The following BMPER variants were observed in gnomAD, a reference collection of about 807,000 sequenced individuals.
BMPER encodes BMP binding endothelial regulator, also known as BMP-binding endothelial regulator protein.
Under a neutral mutation model 87.3 loss-of-function variants are expected in BMPER, and 45 were observed. The ratio of observed to expected loss-of-function variants is 0.52; its 90% confidence interval spans 0.41 to 0.66. BMPER has a LOEUF of 0.66. Ranked by LOEUF, BMPER falls within the 30% of genes least tolerant of loss-of-function variation. The pLI is 0.00. For missense variants in BMPER, 784 were observed against 867.5 expected (o/e 0.90, Z 1.21); for synonymous variants, 326 against 316.2 (o/e 1.03, Z -0.33).
At chr7:34,116,616 ATCT>A (rs1270981737) in intron 13 of BMPER, among the ~76,000 whole-genome samples, 3 of 152,252 alleles carry the variant, frequency 2.0e-5, no homozygotes, top group Admixed American at 1.3e-4. Flanking sequence ...AGCTATTGTC[ATCT>A]TCTTTGAATT....
At chr7:34,071,034 C>T (rs1788724561) in intron 11 of BMPER, among the ~76,000 whole-genome samples, 1 of 152,130 alleles carries the variant, frequency 6.6e-6, no homozygotes, top group Non-Finnish European at 1.5e-5. Flanking sequence ...TCCTGCTCTT[C>T]TTGTATAAGC....
rs746690593 is a variant in BMPER at position 34,153,164 on chromosome 7, A to G, written c.1949A>G (p.Asn650Ser). 6.2e-7 allele frequency: 1 copy of G among 1,614,116 alleles called. No homozygotes were observed. Among genetic ancestry groups the G allele is most frequent in the African/African-American group, 1.3e-5 (1 of 75,030 alleles). ...PGCIKTCDNWNEIGPCNKPCV... is the reference protein window; with the variant it reads ...PGCIKTCDNWSEIGPCNKPCV... The stretch of plus-strand genomic sequence containing the variant: ...TGTATCAAGACGTGTGACAACTGGA[A>G]TGAAATTGGTCCATGCAACAAGCCG... The change falls in exon 15 of 15, where the codon AAT (asparagine) becomes AGT (serine). Residue 650 changes from asparagine (N) to serine (S), a missense_variant. Asn to Ser is a conservative substitution (Grantham distance 46). Coordinates refer to ENST00000649409, the MANE Select transcript of BMPER (RefSeq NM_001365308.1).
At chr7:34,044,278 G>A (rs1442495246) in intron 6 of BMPER, among the ~76,000 whole-genome samples, 4 of 152,248 alleles carry the variant, frequency 2.6e-5, no homozygotes, top group Admixed American at 2.6e-4. Context: ...CACTGGATGA[G>A]TTACTCTTTT....
At chr7:33,926,493 A>G (rs1408945471) in intron 2 of BMPER, among the ~76,000 whole-genome samples, 1 of 152,192 alleles carries the variant, frequency 6.6e-6, no homozygotes, top group Non-Finnish European at 1.5e-5. Flanking sequence ...TTTGTGTGTA[A>G]TTGGCCACTC....
At position 34,035,774 on chromosome 7, in the gene BMPER, C is replaced by A. The variant is rs1233444577; in HGVS notation, c.577-10532C>A. ...AAATATTAATGAATATGGCTTCTGCCCTCTGTGAACCTTCAACCTACTTTG... is the reference window on the plus strand; with the variant it reads ...AAATATTAATGAATATGGCTTCTGCACTCTGTGAACCTTCAACCTACTTTG... On this transcript the variant is annotated intron_variant, in intron 6 of 14. Coordinates refer to ENST00000649409, the MANE Select transcript of BMPER (RefSeq NM_001365308.1). Among the ~76,000 whole-genome samples, 5 of 152,296 alleles carry A rather than the reference C, an allele frequency of 3.3e-5. No individual in the cohort carries two copies. The South Asian group carries it at 6.2e-4, about 19-fold the overall frequency.
At chr7:34,046,250 A>G in intron 6 of BMPER, 56 bp from the exon 7 acceptor site, 1 of 1,529,522 alleles carries the variant, frequency 6.5e-7, no homozygotes, top group Non-Finnish European at 9.1e-7. Context: ...TCTTGGTTGT[A>G]CAATCTACAT....
At chr7:33,919,168 G>A (rs939017821) in intron 2 of BMPER, among the ~76,000 whole-genome samples, 1 of 152,178 alleles carries the variant, frequency 6.6e-6, no homozygotes. Context: ...AATGGGTCAT[G>A]TTACAGAAAT....
chr7:34,010,396 A>G lies in BMPER; in HGVS notation c.576+35612A>G, dbSNP rs78412873. ...TTAATTTAGTTATACATACATATTT[A>G]AAATTACTTGTTGTATGAGATGATA... is the stretch of plus-strand genomic sequence containing the variant. On this transcript the variant is annotated intron_variant, in intron 6 of 14. Coordinates refer to ENST00000649409, the MANE Select transcript of BMPER (RefSeq NM_001365308.1). 4.7e-3 allele frequency among the ~76,000 whole-genome samples: 709 copies of G among 152,086 alleles called. 8 individuals are homozygous for G. The South Asian group carries it at 0.055, about 12-fold the overall frequency.
chr7:33,992,639 T>A (rs1786258533), intron 6 of BMPER, among the ~76,000 whole-genome samples: 1 of 149,432 alleles, frequency 6.7e-6, no homozygotes, highest in African/African-American at 2.5e-5. Context: ...TAGTGTTATG[T>A]GTGAATTTGA....
chr7:33,999,824 C>G (rs1786529568), intron 6 of BMPER, among the ~76,000 whole-genome samples: 1 of 152,200 alleles, frequency 6.6e-6, no homozygotes, highest in Non-Finnish European at 1.5e-5. Flanking sequence ...ATCTTATCCT[C>G]CAGGCTTTTC....
chr7:34,003,390 A>G (rs1288170185), intron 6 of BMPER, among the ~76,000 whole-genome samples: 1 of 151,890 alleles, frequency 6.6e-6, no homozygotes, highest in Admixed American at 6.6e-5. Flanking sequence ...CTTCCTTTCT[A>G]CTATTACTGT....
intron 12 of BMPER, among the ~76,000 whole-genome samples, chr7:34,083,182 C>T (rs1222045146): frequency 6.6e-6 from 1 of 152,072 alleles, no homozygotes; most frequent in Non-Finnish European, 1.5e-5. Flanking sequence ...TGCTATATAA[C>T]GTGTTGGATG....
intron 3 of BMPER, among the ~76,000 whole-genome samples, chr7:33,954,083 T>C (rs959849710): frequency 2.0e-5 from 3 of 152,230 alleles, no homozygotes; most frequent in Admixed American, 6.5e-5. Flanking sequence ...TGGGCATCTA[T>C]ATTCTGAATT....
chr7:33,948,870 G>C (rs77058369), intron 3 of BMPER, among the ~76,000 whole-genome samples: 9 of 152,222 alleles, frequency 5.9e-5, no homozygotes, highest in African/African-American at 1.7e-4. Flanking sequence ...CATACTGCCT[G>C]TGAGATAAGC....
intron 3 of BMPER, among the ~76,000 whole-genome samples, chr7:33,947,224 C>T (rs1336813336): frequency 6.6e-6 from 1 of 152,076 alleles, no homozygotes; most frequent in Non-Finnish European, 1.5e-5. Flanking sequence ...CTGAAAATCA[C>T]CCTTTAATGT....
chr7:33,944,900 A>G (rs1372060322), intron 3 of BMPER, among the ~76,000 whole-genome samples: 1 of 152,136 alleles, frequency 6.6e-6, no homozygotes, highest in African/African-American at 2.4e-5. Context: ...TAAGGCCAGG[A>G]TGCTGATCAG....
chr7:33,990,526 G>C (rs1786177710), intron 6 of BMPER, among the ~76,000 whole-genome samples: 1 of 149,524 alleles, frequency 6.7e-6, no homozygotes, highest in African/African-American at 2.5e-5. Flanking sequence ...CTGAGACAAT[G>C]GGGTTTTCTA....
chr7:34,146,906 T>G (rs1271554663), intron 14 of BMPER, among the ~76,000 whole-genome samples: 2 of 152,236 alleles, frequency 1.3e-5, no homozygotes, highest in African/African-American at 2.4e-5. Context: ...ATTTGTTTGT[T>G]CCCTATCACT....
intron 3 of BMPER, among the ~76,000 whole-genome samples, chr7:33,954,567 A>G (rs985105895): frequency 2.6e-5 from 4 of 152,334 alleles, no homozygotes; most frequent in South Asian, 2.1e-4. Context: ...TGGGCAGCAC[A>G]CCACTGACTA....
Sources: allele counts gnomAD v4.1 joint callset (sites outside exome capture counted in the v4.1 genomes callset), GRCh38; gene constraint gnomAD v4.1.1; transcripts MANE v1.5; gene names NCBI Gene and HGNC (gene_info 2026-07-23, HGNC 2026-07-21).